The following ADAMTS2 variants were observed in gnomAD, a reference collection of about 807,000 sequenced individuals.
ADAMTS2 encodes A disintegrin and metalloproteinase with thrombospondin motifs 2.
Under a neutral mutation model 123.0 loss-of-function variants are expected in ADAMTS2, and 50 were observed. The observed-to-expected ratio is 0.41, with a 90% CI of 0.32 to 0.51. The LOEUF (loss-of-function observed/expected upper bound fraction) is 0.51. Among genes scored for constraint, ADAMTS2 ranks in the 20% least tolerant of loss-of-function variants. The pLI, the probability that ADAMTS2 is intolerant of heterozygous loss-of-function variation, is 0.35. For synonymous variants in ADAMTS2, 678 were observed against 695.4 expected, an observed-to-expected ratio of 0.98 and a Z score of 0.39; for missense variants, 1,494 against 1,705.2, an observed-to-expected ratio of 0.88 and a Z score of 2.18.
rs560233116 is a variant in ADAMTS2, at chr5:179,265,822, C to T, written c.688+7089G>A. Reference sequence around the variant, plus strand: ...CAAGGGTGCGCTCAGCCCTGAAGCACGCCTCCCGGAGCCGCCTCGGGTTTC... The same window carrying T: ...CAAGGGTGCGCTCAGCCCTGAAGCATGCCTCCCGGAGCCGCCTCGGGTTTC... On this transcript the variant is annotated intron_variant, in intron 3 of 21. Transcript: ENST00000251582. Among the ~76,000 whole-genome samples, 112 of 152,370 alleles carry T rather than the reference C, an allele frequency of 7.4e-4. 1 individual carries two copies. The highest frequency in any genetic ancestry group is 2.0e-3 in the Admixed American group (30 of 15,312).
chr5:179,183,051 C>G (rs536213326), intron 4 of ADAMTS2, among the ~76,000 whole-genome samples: 1 of 152,320 alleles, frequency 6.6e-6, no homozygotes, highest in East Asian at 1.9e-4. Context: ...TGGAATGGTG[C>G]TTGTGCAAAC....
intron 2 of ADAMTS2, among the ~76,000 whole-genome samples, chr5:179,288,957 C>T (rs577025141): frequency 2.2e-4 from 33 of 152,376 alleles, no homozygotes; most frequent in African/African-American, 6.0e-4. Context: ...CCCCGCCCTC[C>T]GGCAGTGCCA....
At chr5:179,341,255 C>T in intron 2 of ADAMTS2, 1 of 284,174 alleles carries the variant, frequency 3.5e-6, no homozygotes, top group African/African-American at 2.3e-5. Context: ...GGCGCGGTGG[C>T]TGAGGCCTGT....
chr5:179,124,783 G>A (rs895695464), intron 19 of ADAMTS2, among the ~76,000 whole-genome samples, 190 bp downstream of exon 19: 5 of 151,962 alleles, frequency 3.3e-5, no homozygotes, highest in East Asian at 1.9e-4. Flanking sequence ...GGCCCGGCTC[G>A]CCAATGATCA....
Position 179,149,446 on chromosome 5 carries a change from G to A in ADAMTS2, c.1629+2696C>T, listed in dbSNP as rs7723831. 5.7e-3 allele frequency among the ~76,000 whole-genome samples: 871 copies of A among 152,316 alleles called. 9 individuals carry two copies. The highest frequency in any genetic ancestry group is 0.02 in the African/African-American group (831 of 41,562). On this transcript the variant is annotated intron_variant, in intron 10 of 21. Transcript: ENST00000251582. ...TAGAGCAGCCGAAGCTGAGGAAGAT[G>A]GAGTGTGAGCTGTCCTGGCACCGTG...
chr5:179,175,827 T>G lies in ADAMTS2; in HGVS notation c.975+5245A>C, dbSNP rs1443527570. ...CACAGTAACTAGTTTATGGGTCTTT[T>G]TTGTTTGTTTGTTTCCAAGACTATC... On this transcript the variant is annotated intron_variant, in intron 5 of 21. Coordinates refer to ENST00000251582, the MANE Select transcript of ADAMTS2 (RefSeq NM_014244.5). The surrounding 1 kb of genome is among the most constrained non-coding windows in gnomAD (Gnocchi z 4.1). 6.6e-6 allele frequency among the ~76,000 whole-genome samples: 1 copy of G among 152,158 alleles called. No individual in the cohort carries two copies. The highest frequency in any genetic ancestry group is 1.5e-5 in the Non-Finnish European group (1 of 68,018).
chr5:179,211,312 C>G (rs1201310524), intron 3 of ADAMTS2, among the ~76,000 whole-genome samples: 1 of 152,194 alleles, frequency 6.6e-6, no homozygotes, highest in African/African-American at 2.4e-5. Flanking sequence ...TGACACTGCC[C>G]TTGGCCTTCC....
intron 2 of ADAMTS2, among the ~76,000 whole-genome samples, chr5:179,281,635 T>C (rs150863227): frequency 1.0e-3 from 158 of 152,368 alleles, no homozygotes; most frequent in African/African-American, 3.6e-3. Flanking sequence ...CTATGCATAA[T>C]GCTGCTATGA....
Position 179,210,093 on chromosome 5 carries a change from T to C in ADAMTS2, c.689-2378A>G, listed in dbSNP as rs551138525. ...GAACATCCAGCTTCTCTTGAGGAAT[T>C]AAGAGATGGGGCCACCCCAGGGGTA... On this transcript the variant is annotated intron_variant, in intron 3 of 21. Transcript: ENST00000251582. Among the ~76,000 whole-genome samples the C allele has an allele frequency of 1.9e-4, 29 of 152,278 alleles. 1 individual carries two copies. In the South Asian group the frequency reaches 5.2e-3, roughly 27 times the overall value.
At chr5:179,187,097 T>C (rs1561794812) in intron 4 of ADAMTS2, among the ~76,000 whole-genome samples, 1 of 152,106 alleles carries the variant, frequency 6.6e-6, no homozygotes, top group African/African-American at 2.4e-5. Context: ...TGCCCTCTCC[T>C]GCTGCCTGTG....
intron 2 of ADAMTS2, among the ~76,000 whole-genome samples, chr5:179,281,098 T>C (rs766110339): frequency 1.3e-5 from 2 of 152,204 alleles, no homozygotes; most frequent in Non-Finnish European, 2.9e-5. Context: ...CCTCAGGTGA[T>C]CCACCTGCCT....
At chr5:179,324,915 G>A (rs898110126) in intron 2 of ADAMTS2, among the ~76,000 whole-genome samples, 1 of 54,104 alleles carries the variant, frequency 1.8e-5, no homozygotes, top group African/African-American at 6.9e-5. Flanking sequence ...CAAAAGCCCA[G>A]AGGTCCTCAG....
At chr5:179,336,072 G>A (rs565960815) in intron 2 of ADAMTS2, among the ~76,000 whole-genome samples, 16 of 152,340 alleles carry the variant, frequency 1.1e-4, no homozygotes, top group African/African-American at 3.8e-4. Context: ...GATGAATCCC[G>A]GACATTCTGC....
chr5:179,216,772 C>T (rs897837125), intron 3 of ADAMTS2, among the ~76,000 whole-genome samples: 1 of 152,234 alleles, frequency 6.6e-6, no homozygotes, highest in African/African-American at 2.4e-5. Flanking sequence ...TATTCATTTG[C>T]ATGTAATTAT....
chr5:179,340,810 C>T (rs888414557), intron 2 of ADAMTS2, among the ~76,000 whole-genome samples: 8 of 152,172 alleles, frequency 5.3e-5, no homozygotes, highest in African/African-American at 1.2e-4. Flanking sequence ...TTACCTTTTA[C>T]GCCAAAAGGC....
intron 2 of ADAMTS2, among the ~76,000 whole-genome samples, chr5:179,281,612 T>C (rs977584741): frequency 6.6e-6 from 1 of 152,238 alleles, no homozygotes; most frequent in Non-Finnish European, 1.5e-5. Context: ...TGTGGGTTGT[T>C]GGTTTTTGGC....
Position 179,155,728 on chromosome 5 carries a change from G to A in ADAMTS2, c.1133-809C>T, listed in dbSNP as rs1763456339. On this transcript the variant is annotated intron_variant, in intron 6 of 21. Coordinates refer to ENST00000251582, the MANE Select transcript of ADAMTS2 (RefSeq NM_014244.5). This position sits in a 1 kb window ranked among gnomAD's most constrained non-coding sequence, Gnocchi z 5.1. The stretch of plus-strand genomic sequence containing the variant: ...AGGCGGCTTGGAAAGATAGGGAAGT[G>A]CCTACAGGGCTATGGGTGCCACACG... Among the ~76,000 whole-genome samples the A allele has an allele frequency of 6.6e-6, 1 of 152,150 alleles. No individual in the cohort carries two copies. The highest frequency in any genetic ancestry group is 1.5e-5 in the Non-Finnish European group (1 of 68,038).
chr5:179,234,611 A>G lies in ADAMTS2; in HGVS notation c.689-26896T>C, dbSNP rs1765484869. ...GGTGTCACAAGGCACCTTCATGCCA[A>G]CAAGTCCCAAACAAACCTGTCACCT... On this transcript the variant is annotated intron_variant, in intron 3 of 21. Transcript: ENST00000251582. This position sits in a 1 kb window ranked among gnomAD's most constrained non-coding sequence, Gnocchi z 4.7. Among the ~76,000 whole-genome samples the G allele has an allele frequency of 1.3e-5, 2 of 151,848 alleles. No individual in the cohort carries two copies. The highest frequency in any genetic ancestry group is 1.5e-5 in the Non-Finnish European group (1 of 67,946).
At chr5:179,322,418 G>A (rs546957578) in intron 2 of ADAMTS2, among the ~76,000 whole-genome samples, 2 of 152,264 alleles carry the variant, frequency 1.3e-5, no homozygotes, top group East Asian at 1.9e-4. Flanking sequence ...GGAGTGCAGG[G>A]TCCAGTTCTC....
Sources: allele counts gnomAD v4.1 joint callset (sites outside exome capture counted in the v4.1 genomes callset), GRCh38; gene constraint gnomAD v4.1.1; non-coding constraint Gnocchi (gnomAD v3.1); transcripts MANE v1.5; gene names NCBI Gene and HGNC (gene_info 2026-07-23, HGNC 2026-07-21).